Variants in RABGAP1L observed in about 807,000 individuals in gnomAD.
RABGAP1L encodes RAB GTPase activating protein 1 like.
Under a neutral mutation model 137.7 loss-of-function variants are expected in RABGAP1L, and 63 were observed. The observed-to-expected ratio is 0.46, with a 90% CI of 0.37 to 0.56. The LOEUF (loss-of-function observed/expected upper bound fraction) is 0.56. RABGAP1L is among the 20% of genes least tolerant of loss of function. RABGAP1L has a pLI of 0.00. For missense variants in RABGAP1L, 1,095 were observed against 1,244.0 expected (o/e 0.88, Z 1.80); for synonymous variants, 431 against 433.7 (o/e 0.99, Z 0.08).
chr1:174,901,283 G>A (rs1405779615), intron 19 of RABGAP1L, among the ~76,000 whole-genome samples: 1 of 152,144 alleles, frequency 6.6e-6, no homozygotes, highest in Non-Finnish European at 1.5e-5. Flanking sequence ...CGAGACTAGA[G>A]AATTGATAAA....
At chr1:174,633,775 C>A (rs2148325831) in intron 13 of RABGAP1L, among the ~76,000 whole-genome samples, 2 of 141,500 alleles carry the variant, frequency 1.4e-5, no homozygotes, top group East Asian at 4.1e-4. Flanking sequence ...GAAAAACAAG[C>A]AGTGGGGAAA....
intron 11 of RABGAP1L, among the ~76,000 whole-genome samples, chr1:174,350,808 A>G (rs1683093664): frequency 1.4e-5 from 1 of 73,002 alleles, no homozygotes; most frequent in Admixed American, 1.4e-4. Context: ...ACCATTGAGC[A>G]CTGAGTGAAC....
At chr1:174,695,496 G>A (rs1183560519) in intron 15 of RABGAP1L, among the ~76,000 whole-genome samples, 1 of 151,986 alleles carries the variant, frequency 6.6e-6, no homozygotes, top group Non-Finnish European at 1.5e-5. Flanking sequence ...TTATCTGATA[G>A]GATTCTGAAT....
chr1:174,722,743 A>C (rs931673627), intron 17 of RABGAP1L, among the ~76,000 whole-genome samples: 3 of 151,784 alleles, frequency 2.0e-5, no homozygotes, highest in African/African-American at 7.3e-5. Flanking sequence ...GAGCCACTGC[A>C]CCTGGCCTTT....
At position 174,179,629 on chromosome 1, in the gene RABGAP1L, T is replaced by C. The variant is rs1666194134; in HGVS notation, c.-34+19972T>C. 2.6e-5 allele frequency among the ~76,000 whole-genome samples: 4 copies of C among 152,054 alleles called. No individual in the cohort carries two copies. In the South Asian group the frequency reaches 8.3e-4, roughly 32 times the overall value. ...GTTGTACAGTGACTACCAGTATACTTTGGTGCTGCTGTTTCATTTGTGTTA... is the reference window on the plus strand; with the variant it reads ...GTTGTACAGTGACTACCAGTATACTCTGGTGCTGCTGTTTCATTTGTGTTA... On this transcript the variant is annotated intron_variant, in intron 1 of 25. Coordinates refer to ENST00000681986, the MANE Select transcript of RABGAP1L (RefSeq NM_001366446.1).
At chr1:174,377,175 A>G (rs1201356383) in intron 12 of RABGAP1L, among the ~76,000 whole-genome samples, 2 of 152,198 alleles carry the variant, frequency 1.3e-5, no homozygotes. Context: ...TTGACATACT[A>G]GAAAACAGTA....
At chr1:174,544,026 C>G (rs1415252282) in intron 13 of RABGAP1L, among the ~76,000 whole-genome samples, 3 of 152,178 alleles carry the variant, frequency 2.0e-5, no homozygotes, top group Admixed American at 6.5e-5. Flanking sequence ...CTGCCCTTAA[C>G]ATTTTTTCCT....
In RABGAP1L at chr1:174,695,505, A is replaced by T. The variant is rs115455885; in HGVS notation, c.1900-4020A>T. ...TTAACTTTATCTGATAGGATTCTGA[A>T]TTTTTTCTCTGTATTGTCTTGAAGT... On this transcript the variant is annotated intron_variant, in intron 15 of 25. Transcript: ENST00000681986. 9.0e-3 allele frequency among the ~76,000 whole-genome samples: 1,369 copies of T among 152,016 alleles called. 26 individuals are homozygous for T. The highest frequency in any genetic ancestry group is 0.032 in the African/African-American group (1,320 of 41,440).
chr1:174,959,064 C>G (rs1574010673), intron 20 of RABGAP1L, among the ~76,000 whole-genome samples: 1 of 152,246 alleles, frequency 6.6e-6, no homozygotes, highest in African/African-American at 2.4e-5. Context: ...TCTTATTTCT[C>G]TCAAGTATTG....
intron 3 of RABGAP1L, among the ~76,000 whole-genome samples, chr1:174,225,519 G>A (rs546670950): frequency 0.011 from 1,267 of 117,368 alleles, 11 homozygotes; most frequent in Non-Finnish European, 0.017. Context: ...TTTTTTTAAA[G>A]CAGACATTCC....
intron 14 of RABGAP1L, among the ~76,000 whole-genome samples, chr1:174,661,563 A>G (rs1557961083): frequency 6.6e-6 from 1 of 152,226 alleles, no homozygotes; most frequent in Non-Finnish European, 1.5e-5. Flanking sequence ...GCCTTCCTAA[A>G]ACTAATAATT....
At chr1:174,288,597 A>G (rs754851338) in intron 10 of RABGAP1L, among the ~76,000 whole-genome samples, 10 of 152,198 alleles carry the variant, frequency 6.6e-5, no homozygotes, top group Admixed American at 2.6e-4. Flanking sequence ...GCTCTTTTGT[A>G]TGTGACAAGG....
intron 11 of RABGAP1L, among the ~76,000 whole-genome samples, chr1:174,332,395 T>TATTC (rs1681107347): frequency 6.6e-6 from 1 of 151,856 alleles, no homozygotes; most frequent in Non-Finnish European, 1.5e-5. Flanking sequence ...TTTATTTATT[T>TATTC]ATTTATTTAT....
At chr1:174,962,131 C>T (rs927423136) in intron 20 of RABGAP1L, among the ~76,000 whole-genome samples, 3 of 151,412 alleles carry the variant, frequency 2.0e-5, no homozygotes, top group Admixed American at 1.3e-4. Flanking sequence ...GCCAGGATCA[C>T]GCCACTGCGC....
chr1:174,423,204 C>G (rs1159140998), intron 13 of RABGAP1L, among the ~76,000 whole-genome samples: 3 of 152,234 alleles, frequency 2.0e-5, no homozygotes, highest in East Asian at 1.9e-4. Flanking sequence ...ACCCAAATCT[C>G]TAACTCTAAA....
In RABGAP1L at chr1:174,728,960, G is replaced by A. The variant is rs567467969; in HGVS notation, c.2170-23353G>A. On this transcript the variant is annotated intron_variant, in intron 17 of 25. Coordinates refer to ENST00000681986, the MANE Select transcript of RABGAP1L (RefSeq NM_001366446.1). ...CTGGCCACCAGTGTCATTTTTGACAGAACTAAATAAAACTATTCAAAAAAT... is the reference window on the plus strand; with the variant it reads ...CTGGCCACCAGTGTCATTTTTGACAAAACTAAATAAAACTATTCAAAAAAT... Among the ~76,000 whole-genome samples the A allele has an allele frequency of 9.9e-5, 15 of 152,188 alleles. 1 individual carries two copies. The highest frequency in any genetic ancestry group is 9.2e-4 in the Admixed American group (14 of 15,278).
intron 1 of RABGAP1L, among the ~76,000 whole-genome samples, chr1:174,184,356 T>C (rs761250625): frequency 3.3e-5 from 5 of 152,186 alleles, no homozygotes; most frequent in African/African-American, 4.8e-5. Context: ...GCTGTAAATA[T>C]CCATGCGCAG....
At chr1:174,477,069 G>C (rs959340716) in intron 13 of RABGAP1L, among the ~76,000 whole-genome samples, 1 of 152,132 alleles carries the variant, frequency 6.6e-6, no homozygotes, top group African/African-American at 2.4e-5. Context: ...GTGTACCATA[G>C]TCCCAGGAGC....
intron 19 of RABGAP1L, among the ~76,000 whole-genome samples, chr1:174,942,022 T>C (rs1442459747): frequency 1.3e-5 from 2 of 152,230 alleles, no homozygotes; most frequent in African/African-American, 4.8e-5. Flanking sequence ...TTACCAATTC[T>C]GTAAGGAACA....
Sources: allele counts gnomAD v4.1 joint callset (sites outside exome capture counted in the v4.1 genomes callset), GRCh38; gene constraint gnomAD v4.1.1; transcripts MANE v1.5; gene names NCBI Gene and HGNC (gene_info 2026-07-23, HGNC 2026-07-21).